Variants in MOV10 observed in about 807,000 individuals in gnomAD.
MOV10 encodes Mov10 RNA helicase.
In MOV10, 39 loss-of-function variants were observed where a neutral mutation model predicts 108.4. The ratio of observed to expected loss-of-function variants is 0.36; its 90% CI spans 0.28 to 0.47. The LOEUF is 0.47. MOV10 is among the 20% of genes least tolerant of loss of function. The pLI is 1.00. For missense variants in MOV10, 952 were observed against 1,297.6 expected (o/e 0.73, Z 4.09); for synonymous variants, 490 against 523.1 (o/e 0.94, Z 0.86).
rs1365146451 is a variant in MOV10, at chr1:112,675,617, ACCAAACCTCCATTAGCACCTGTGGCTTCT to A, written c.137+572_137+600del. On this transcript the variant is annotated intron_variant, in intron 2 of 20. Coordinates refer to ENST00000369645, the MANE Select transcript of MOV10 (RefSeq NM_001321324.2). The surrounding 1 kb of genome is among the most constrained non-coding windows in gnomAD (Gnocchi z 4.7). ...AGAAAAGGGCACAAACTACGTGCGT[ACCAAACCTCCATTAGCACCTGTGGCTTCT>A]CCATGGAGACCCAGGGGCAGAGCCA... Among the ~76,000 whole-genome samples the A allele has an allele frequency of 6.6e-6, 1 of 152,230 alleles. No individual in the cohort carries two copies. Among genetic ancestry groups the A allele is most frequent in the East Asian group, 1.9e-4 (1 of 5,200 alleles).
rs988455307 is a variant in MOV10, at chr1:112,677,633, TC to T, written c.137+2586del. ...TTATGCTAGCCACGCAAATGCTAGA[TC>T]CTCTACCTTTAGTCAGGTTTATATC... On this transcript the variant is annotated intron_variant, in intron 2 of 20. Coordinates refer to ENST00000369645, the MANE Select transcript of MOV10 (RefSeq NM_001321324.2). Among the ~76,000 whole-genome samples the T allele has an allele frequency of 4.8e-4, 73 of 152,126 alleles. 2 individuals are homozygous for T. The highest frequency in any genetic ancestry group is 1.7e-3 in the African/African-American group (71 of 41,368).
chr1:112,700,544 T>C lies in MOV10; in HGVS notation c.*37T>C. ...CCAGCCTTCTCGCACCAGCCAAGCC[T>C]TAACTGCCTGCCTGACCCTGAACCA... On this transcript the variant is annotated 3_prime_UTR_variant, in exon 21 of 21. Coordinates refer to ENST00000369645, the MANE Select transcript of MOV10 (RefSeq NM_001321324.2). The C allele has an allele frequency of 6.2e-7, 1 of 1,608,772 alleles. No individual in the cohort carries two copies. The highest frequency in any genetic ancestry group is 8.5e-7 in the Non-Finnish European group (1 of 1,177,230).
intron 2 of MOV10, chr1:112,685,246 C>G (rs1195489867): frequency 1.3e-5 from 2 of 149,748 alleles, no homozygotes; most frequent in Admixed American, 6.8e-5. Flanking sequence ...CTCAAGCAGT[C>G]CTACCACCTC....
chr1:112,696,588 T>C, intron 13 of MOV10, 42 bp from the exon 14 acceptor site: 2 of 1,612,076 alleles, frequency 1.2e-6, no homozygotes, highest in Non-Finnish European at 1.7e-6. Flanking sequence ...TCAGAGAGGT[T>C]GCACCACTTA....
rs1400365108 is a variant in MOV10, at chr1:112,694,818, C to T, written c.1542C>T (p.Thr514=). Reference sequence around the variant, plus strand: ...CCATGAGGCACATTGTTACGGGCACCACCCGTCCAGCCCCCTACATCATCT... The same window carrying T: ...CCATGAGGCACATTGTTACGGGCACTACCCGTCCAGCCCCCTACATCATCT... ...LQAMRHIVTG[T]TRPAPYIIFG... is the part of the protein sequence containing the mutation. The change falls in exon 10 of 21, where the codon ACC becomes ACT. Residue 514 remains threonine, a synonymous_variant. Transcript: ENST00000369645. This position sits in a 1 kb window ranked among gnomAD's most constrained non-coding sequence, Gnocchi z 4.1. 2 of 1,614,150 alleles carry T rather than the reference C, an allele frequency of 1.2e-6. No individual in the cohort carries two copies. Among genetic ancestry groups the T allele is most frequent in the East Asian group, 4.5e-5 (2 of 44,884 alleles).
In MOV10 at chr1:112,690,091, C is replaced by G; in HGVS notation, c.829C>G (p.Pro277Ala). Residue 277 changes from proline (P) to alanine (A), a missense_variant, in exon 5 of 21, where the codon CCT (proline) becomes GCT (alanine). Pro to Ala is a conservative substitution (Grantham distance 27). Coordinates refer to ENST00000369645, the MANE Select transcript of MOV10 (RefSeq NM_001321324.2). Reference protein sequence around the residue: ...VTNRIEEGERPDRAKGYDLEL... With the variant: ...VTNRIEEGERADRAKGYDLEL... ...CAATCGGATAGAGGAAGGAGAGAGA[C>G]CTGACCGGTAACTCCTCCCTCCAAC... 3 of 1,613,128 alleles carry G rather than the reference C, an allele frequency of 1.9e-6. No individual in the cohort carries two copies. The highest frequency in any genetic ancestry group is 2.5e-6 in the Non-Finnish European group (3 of 1,179,566).
intron 1 of MOV10, 24 bp downstream of exon 1, chr1:112,674,753 A>C: frequency 1.6e-6 from 1 of 620,774 alleles, no homozygotes; most frequent in Non-Finnish European, 2.7e-6. Context: ...GGAGGAGGGA[A>C]GCCTGGTGGG....
chr1:112,674,659 A>T lies in MOV10; in HGVS notation c.-136A>T. 2.7e-6 allele frequency: 1 copy of T among 374,714 alleles called. No individual in the cohort carries two copies. The highest frequency in any genetic ancestry group is 4.8e-6 in the Non-Finnish European group (1 of 208,412). 23.2% of individuals were successfully genotyped at this position (374,714 alleles called of 1,614,324 possible). A position where few individuals can be genotyped will look rare whatever the true frequency, so the allele number is the denominator to read the frequency against. The stretch of plus-strand genomic sequence containing the variant: ...AGGGGAGGGCCCTGAGGGAGGGGTC[A>T]GACGCTTTAGGAAAGAGTTAATGCG... On this transcript the variant is annotated 5_prime_UTR_variant, in exon 1 of 21. Coordinates refer to ENST00000369645, the MANE Select transcript of MOV10 (RefSeq NM_001321324.2).
At chr1:112,691,577 G>A in intron 5 of MOV10, 88 bp from the exon 6 acceptor site, 1 of 1,508,444 alleles carries the variant, frequency 6.6e-7, no homozygotes, top group Non-Finnish European at 9.0e-7. Context: ...AGGATTGCAG[G>A]AGGGCTTTGT....
chr1:112,677,328 G>A (rs753807582), intron 2 of MOV10, among the ~76,000 whole-genome samples: 22 of 152,112 alleles, frequency 1.4e-4, no homozygotes, highest in Non-Finnish European at 3.2e-4. Flanking sequence ...AGACAGAAGC[G>A]GGTTTCATCA....
rs374111997 is a variant in MOV10, at chr1:112,694,931, T to C, written c.1620+35T>C. ...GAGCACAAACCTGGGGCCTGCACTC[T>C]GATTCCCCCAGCACCAAGCAGTTGT... is the stretch of plus-strand genomic sequence containing the variant. On this transcript the variant is annotated intron_variant, in intron 10 of 20. Transcript: ENST00000369645. This position sits in a 1 kb window ranked among gnomAD's most constrained non-coding sequence, Gnocchi z 4.1. The C allele has an allele frequency of 6.3e-7, 1 of 1,597,882 alleles. No individual in the cohort carries two copies. The highest frequency in any genetic ancestry group is 8.6e-7 in the Non-Finnish European group (1 of 1,169,132).
intron 2 of MOV10, 94 bp from the exon 3 acceptor site, chr1:112,688,839 GCA>G (rs371204280): frequency 0.014 from 22,620 of 1,581,796 alleles, 210 homozygotes; most frequent in South Asian, 0.017. Flanking sequence ...GGTGTGTCCA[GCA>G]CAGAGTGACC....
intron 16 of MOV10, 79 bp from the exon 17 acceptor site, chr1:112,698,636 A>G: frequency 1.3e-6 from 2 of 1,515,192 alleles, no homozygotes. Context: ...TTTGTTCCCC[A>G]GCTCCCTGGC....
intron 2 of MOV10, among the ~76,000 whole-genome samples, chr1:112,679,450 T>C (rs1672457929): frequency 6.6e-6 from 1 of 152,118 alleles, no homozygotes; most frequent in African/African-American, 2.4e-5. Context: ...GTTGATGTTA[T>C]TGTATTTGCA....
intron 2 of MOV10, among the ~76,000 whole-genome samples, chr1:112,676,733 C>T (rs558126860): frequency 1.3e-5 from 2 of 152,234 alleles, no homozygotes; most frequent in Admixed American, 6.5e-5. Context: ...AGATATCAAG[C>T]GTGGTCATGC....
chr1:112,685,037 A>T (rs992805117), intron 2 of MOV10: 6 of 152,038 alleles, frequency 3.9e-5, no homozygotes, highest in African/African-American at 1.2e-4. Flanking sequence ...TTTTTTAGAG[A>T]CAGGGTTACC....
intron 2 of MOV10, among the ~76,000 whole-genome samples, chr1:112,679,141 T>C (rs1672428474): frequency 6.6e-6 from 1 of 152,108 alleles, no homozygotes; most frequent in African/African-American, 2.4e-5. Flanking sequence ...TCCTCTAGCT[T>C]TTGGCCTTTC....
At position 112,694,439 on chromosome 1, in the gene MOV10, C is replaced by G; in HGVS notation, c.1296-14C>G. ...CTGCCCCAACAAACTCTTACCACCT[C>G]TCTCTGCCCAAAGCCTCCTGAGCCG... On this transcript the variant is annotated splice_polypyrimidine_tract_variant and intron_variant, in intron 8 of 20. Coordinates refer to ENST00000369645, the MANE Select transcript of MOV10 (RefSeq NM_001321324.2). The surrounding 1 kb of genome is among the most constrained non-coding windows in gnomAD (Gnocchi z 4.1). 1 of 1,613,862 alleles carries G rather than the reference C, an allele frequency of 6.2e-7. No homozygotes were observed. Among genetic ancestry groups the G allele is most frequent in the Non-Finnish European group, 8.5e-7 (1 of 1,180,022 alleles).
chr1:112,685,510 C>A (rs376854923), intron 2 of MOV10, among the ~76,000 whole-genome samples: 2 of 151,750 alleles, frequency 1.3e-5, no homozygotes, highest in South Asian at 4.2e-4. Context: ...GAAAAATTAG[C>A]TGGGTGTGGT....
Sources: allele counts gnomAD v4.1 joint callset (sites outside exome capture counted in the v4.1 genomes callset), GRCh38; gene constraint gnomAD v4.1.1; non-coding constraint Gnocchi (gnomAD v3.1); transcripts MANE v1.5; gene names NCBI Gene and HGNC (gene_info 2026-07-23, HGNC 2026-07-21).